Variants in SUCLG2 observed in about 807,000 individuals in gnomAD.
SUCLG2 encodes succinate-CoA ligase GDP-forming subunit beta.
Under a neutral mutation model 47.9 loss-of-function variants are expected in SUCLG2, and 42 were observed. That is an observed-to-expected ratio of 0.88 (90% CI 0.69 to 1.14). The LOEUF (loss-of-function observed/expected upper bound fraction) is 1.14, where lower values mean the gene tolerates loss of function less well. Among genes scored for constraint, SUCLG2 ranks in the 50% most tolerant of loss-of-function variants. The probability of loss-of-function intolerance (pLI) is 0.00; values close to 1 mark genes in which losing one functional copy is unlikely to be tolerated. For synonymous variants in SUCLG2, 195 were observed against 197.3 expected, an observed-to-expected ratio of 0.99 and a Z score of 0.10; for missense variants, 571 against 525.9, an observed-to-expected ratio of 1.09 and a Z score of -0.84.
chr3:67,446,817 A>G (rs905807005), intron 9 of SUCLG2, among the ~76,000 whole-genome samples: 17 of 152,166 alleles, frequency 1.1e-4, no homozygotes, highest in African/African-American at 3.9e-4. Context: ...AGAAAAATAT[A>G]TAACTACACA....
intron 1 of SUCLG2, among the ~76,000 whole-genome samples, chr3:67,642,916 CTCTG>C (rs1701125576): frequency 8.3e-6 from 1 of 120,028 alleles, no homozygotes; most frequent in African/African-American, 2.7e-5. Flanking sequence ...CAGAAAAGGA[CTCTG>C]TGTGTGTGTG....
At chr3:67,472,987 CTT>C (rs1369701597) in intron 9 of SUCLG2, among the ~76,000 whole-genome samples, 1 of 151,992 alleles carries the variant, frequency 6.6e-6, no homozygotes, top group Non-Finnish European at 1.5e-5. Flanking sequence ...CACTAAAAAT[CTT>C]GTTTCAGAAA....
intron 1 of SUCLG2, among the ~76,000 whole-genome samples, chr3:67,647,031 C>G (rs1028146269): frequency 6.6e-6 from 1 of 152,104 alleles, no homozygotes; most frequent in Non-Finnish European, 1.5e-5. Context: ...CATTTCTCAC[C>G]GTAAACTCTA....
intron 2 of SUCLG2, among the ~76,000 whole-genome samples, chr3:67,538,913 C>T (rs1706622173): frequency 6.6e-6 from 1 of 152,128 alleles, no homozygotes; most frequent in African/African-American, 2.4e-5. Context: ...GACTTTGTAT[C>T]CTGAGACTTC....
Position 67,585,966 on chromosome 3 carries a change from C to CAAAAAAA in SUCLG2, c.226+23482_226+23488dup, listed in dbSNP as rs67546250. 3.8e-4 allele frequency among the ~76,000 whole-genome samples: 23 copies of CAAAAAAA among 59,772 alleles called. 1 individual carries two copies. Among genetic ancestry groups the CAAAAAAA allele is most frequent in the South Asian group, 7.4e-4 (1 of 1,346 alleles). The allele number at this position is 59,772 out of a possible 152,430, so 39.2% of individuals were successfully genotyped here. On this transcript the variant is annotated intron_variant, in intron 2 of 10. Transcript: ENST00000307227. Reference sequence around the variant, plus strand: ...TGGGCAAAAGAGCAAGACTCCATTTCAAAAAAAAAAAAAAAAAAAAAAAAA... The same window carrying CAAAAAAA: ...TGGGCAAAAGAGCAAGACTCCATTTCAAAAAAAAAAAAAAAAAAAAAAAAAAAAAAAA...
chr3:67,623,559 G>A (rs1490384797), intron 1 of SUCLG2, among the ~76,000 whole-genome samples: 1 of 152,018 alleles, frequency 6.6e-6, no homozygotes, highest in Non-Finnish European at 1.5e-5. Context: ...ACTAGGCCAT[G>A]GGATCATTCT....
chr3:67,559,536 G>T (rs1242768348), intron 2 of SUCLG2, among the ~76,000 whole-genome samples: 1 of 152,118 alleles, frequency 6.6e-6, no homozygotes, highest in Non-Finnish European at 1.5e-5. Flanking sequence ...CCACCGCCAT[G>T]ATCCAATCAC....
Position 67,495,920 on chromosome 3 carries a change from T to A in SUCLG2, c.940A>T (p.Met314Leu), listed in dbSNP as rs749932030. The A allele has an allele frequency of 1.9e-6, 3 of 1,614,006 alleles. No homozygotes were observed. Among genetic ancestry groups the A allele is most frequent in the Admixed American group, 1.7e-5 (1 of 60,006 alleles). The part of the protein sequence containing the change: ...ACFVNGAGLA[M>L]ATCDIIFLNG... The stretch of plus-strand genomic sequence containing the variant: ...AGGAAAATGATATCACAAGTAGCCA[T>A]GGCGAGCCCAGCACCATTCACTGTG... Residue 314 changes from methionine (M) to leucine (L), a missense_variant, in exon 9 of 11, where the codon ATG (methionine) becomes TTG (leucine). Transcript: ENST00000307227.
chr3:67,409,094 T>G, intron 9 of SUCLG2: 1 of 748,178 alleles, frequency 1.3e-6, no homozygotes, highest in Non-Finnish European at 1.9e-6. Flanking sequence ...CAATGGGTTT[T>G]AGTTCTTTAC....
chr3:67,386,772 G>T (rs943373031), intron 10 of SUCLG2, among the ~76,000 whole-genome samples: 1 of 152,204 alleles, frequency 6.6e-6, no homozygotes, highest in South Asian at 2.1e-4. Context: ...AGATTTGGGT[G>T]GGGACACAGA....
intron 2 of SUCLG2, among the ~76,000 whole-genome samples, chr3:67,560,337 G>T (rs182709808): frequency 9.2e-5 from 14 of 152,252 alleles, no homozygotes; most frequent in African/African-American, 3.4e-4. Flanking sequence ...CCTTGAGCAG[G>T]GACTTCTAAC....
At chr3:67,613,571 C>T (rs143713833) in intron 1 of SUCLG2, among the ~76,000 whole-genome samples, 1 of 152,148 alleles carries the variant, frequency 6.6e-6, no homozygotes, top group African/African-American at 2.4e-5. Context: ...GATCTATCAG[C>T]CAGGGACCAG....
intron 2 of SUCLG2, among the ~76,000 whole-genome samples, chr3:67,560,382 C>A (rs1256356419): frequency 6.6e-6 from 1 of 152,164 alleles, no homozygotes; most frequent in African/African-American, 2.4e-5. Flanking sequence ...TTCTGTTGTT[C>A]AGGTCACCCA....
In SUCLG2 at chr3:67,508,669, CA is replaced by C. The variant is rs1478865073; in HGVS notation, c.757+137del. ...GAAATGTTCAACTGCATCATGGGAG[CA>C]TTTCAAACTATGGCAGAAATTAAAT... On this transcript the variant is annotated intron_variant, in intron 7 of 10. Coordinates refer to ENST00000307227, the MANE Select transcript of SUCLG2 (RefSeq NM_003848.4). The C allele has an allele frequency of 7.5e-6, 5 of 667,660 alleles. No homozygotes were observed. In the Admixed American group the frequency reaches 1.2e-4, roughly 16 times the overall value. The allele number at this position is 667,660 out of a possible 1,614,324, so 41.4% of individuals were successfully genotyped here. A position where few individuals can be genotyped will look rare whatever the true frequency, so the allele number is the denominator to read the frequency against.
At chr3:67,443,138 A>T (rs1703813777) in intron 9 of SUCLG2, among the ~76,000 whole-genome samples, 1 of 152,182 alleles carries the variant, frequency 6.6e-6, no homozygotes, top group South Asian at 2.1e-4. Flanking sequence ...GAGATGACTT[A>T]AACTATAAAG....
chr3:67,403,767 C>T (rs1331402668), intron 9 of SUCLG2, among the ~76,000 whole-genome samples: 20 of 152,286 alleles, frequency 1.3e-4, no homozygotes, highest in South Asian at 4.1e-4. Flanking sequence ...CAACTTAGTT[C>T]GCTGAGGAAC....
At chr3:67,636,997 A>G (rs1313060002) in intron 1 of SUCLG2, among the ~76,000 whole-genome samples, 3 of 152,174 alleles carry the variant, frequency 2.0e-5, no homozygotes, top group South Asian at 4.2e-4. Flanking sequence ...GGTAGACATC[A>G]ATAATCACTC....
At position 67,636,271 on chromosome 3, in the gene SUCLG2, C is replaced by T. The variant is rs1355599971; in HGVS notation, c.84+18232G>A. On this transcript the variant is annotated intron_variant, in intron 1 of 10. Transcript: ENST00000307227. ...AGCCTGAGAGCTATGAAAACACACA[C>T]AAAGTATGGTAATAGAAAGGGTCTA... is the stretch of plus-strand genomic sequence containing the variant. Among the ~76,000 whole-genome samples, 4 of 151,592 alleles carry T rather than the reference C, an allele frequency of 2.6e-5. No individual in the cohort carries two copies. In the South Asian group the frequency reaches 6.2e-4, roughly 24 times the overall value.
chr3:67,630,063 C>CT (rs1700899969), intron 1 of SUCLG2, among the ~76,000 whole-genome samples: 4 of 151,432 alleles, frequency 2.6e-5, no homozygotes, highest in Admixed American at 2.6e-4. Context: ...TATGCTGTCT[C>CT]TAAAAATAAA....
Sources: gnomAD v4.1 joint callset for allele counts (sites outside exome capture counted in the v4.1 genomes callset) on GRCh38, gnomAD v4.1.1 for gene constraint, MANE v1.5 for transcripts, NCBI Gene and HGNC (gene_info 2026-07-23, HGNC 2026-07-21) for gene names.